KIAA0319L: variants seen among roughly 807,000 people sequenced by gnomAD.
The protein encoded by KIAA0319L is dyslexia-associated protein KIAA0319-like protein.
KIAA0319L carries 55 observed loss-of-function variants against 120.1 expected under a neutral mutation model. That is an observed-to-expected ratio of 0.46 (90% CI 0.37 to 0.57). The LOEUF (loss-of-function observed/expected upper bound fraction) is 0.57, where lower values mean the gene tolerates loss of function less well. KIAA0319L is among the 20% of genes least tolerant of loss of function. KIAA0319L has a pLI of 0.00. For synonymous variants in KIAA0319L, 398 were observed against 471.9 expected (o/e 0.84, Z 2.03); for missense variants, 1,049 against 1,255.3 (o/e 0.84, Z 2.48).
intron 3 of KIAA0319L, among the ~76,000 whole-genome samples, chr1:35,486,712 A>C (rs1644399022): frequency 6.8e-6 from 1 of 146,280 alleles, no homozygotes; most frequent in African/African-American, 2.6e-5. Context: ...ATCAGCCTGC[A>C]CAACATAGCG....
chr1:35,545,966 G>C (rs567076433), intron 2 of KIAA0319L, among the ~76,000 whole-genome samples: 34 of 152,208 alleles, frequency 2.2e-4, no homozygotes, highest in Non-Finnish European at 3.5e-4. Context: ...CATGGTTATA[G>C]GGAATAAAGG....
Position 35,456,041 on chromosome 1 carries a change from C to G in KIAA0319L, c.1628G>C (p.Ser543Thr). The change falls in exon 10 of 21, where the codon AGC becomes ACC. Residue 543 changes from serine to threonine, a missense_variant. Coordinates refer to ENST00000325722, the MANE Select transcript of KIAA0319L (RefSeq NM_024874.5). ...CATCTCCACCACTTTCCCTTTGCTG[C>G]TTGGGCTGAGTGACCACTCATAGCT... ...ITSYEWSLSP[S>T]SKGKVVEMQG... 6.2e-7 allele frequency: 1 copy of G among 1,613,786 alleles called. No individual in the cohort carries two copies. The highest frequency in any genetic ancestry group is 1.1e-5 in the South Asian group (1 of 91,038).
intron 2 of KIAA0319L, among the ~76,000 whole-genome samples, chr1:35,531,137 T>C (rs1010799976): frequency 2.0e-5 from 3 of 152,210 alleles, no homozygotes; most frequent in African/African-American, 7.2e-5. Context: ...AAGGAGATCC[T>C]GTCCTCATGG....
chr1:35,457,065 T>A (rs958149154), intron 9 of KIAA0319L, among the ~76,000 whole-genome samples: 11 of 152,168 alleles, frequency 7.2e-5, no homozygotes, highest in African/African-American at 2.7e-4. Flanking sequence ...CCTGCACGCA[T>A]CTGTGTCCTG....
At chr1:35,532,925 C>T (rs1646428810) in intron 2 of KIAA0319L, among the ~76,000 whole-genome samples, 1 of 152,152 alleles carries the variant, frequency 6.6e-6, no homozygotes, top group Non-Finnish European at 1.5e-5. Context: ...TATGTATTAC[C>T]TGGAGGATCC....
At chr1:35,539,714 TTC>T (rs1433254335) in intron 2 of KIAA0319L, among the ~76,000 whole-genome samples, 3 of 152,232 alleles carry the variant, frequency 2.0e-5, no homozygotes, top group African/African-American at 7.2e-5. Flanking sequence ...TTAAGATTCA[TTC>T]ACTGTAGCCA....
Position 35,479,201 on chromosome 1 carries a change from C to A in KIAA0319L, c.678G>T (p.Ala226=), listed in dbSNP as rs376237258. 2 of 1,613,174 alleles carry A rather than the reference C, an allele frequency of 1.2e-6. No homozygotes were observed. The highest frequency in any genetic ancestry group is 1.7e-6 in the Non-Finnish European group (2 of 1,179,302). Residue 226 remains alanine (A), a synonymous_variant, in exon 4 of 21, where the codon GCG becomes GCT. Transcript: ENST00000325722. ...TTSGSAEVHK[A]ITISSPLTTD... is the part of the protein sequence containing the mutation. ...TGGTTAGGGGACTGGAAATTGTAAT[C>A]GCCTTGTGGACCTAAAGAAATAAAA...
In KIAA0319L at chr1:35,460,382, A is replaced by G. The variant is rs753437123; in HGVS notation, c.1350T>C (p.Pro450=). Residue 450 remains proline (P), a synonymous_variant, in exon 9 of 21, where the codon CCT becomes CCC. Coordinates refer to ENST00000325722, the MANE Select transcript of KIAA0319L (RefSeq NM_024874.5). ...VQYHWEELKG[P]LREEKISEDT... is the part of the protein sequence containing the mutation. The stretch of plus-strand genomic sequence containing the variant: ...CTTCAGAAATCTTCTCTTCTCTTAG[A>G]GGCCCCTTAAGTTCTTCCCAATGGT... 5 of 1,611,820 alleles carry G rather than the reference A, an allele frequency of 3.1e-6. No homozygotes were observed. Among genetic ancestry groups the G allele is most frequent in the Non-Finnish European group, 8.5e-7 (1 of 1,178,050 alleles).
intron 18 of KIAA0319L, among the ~76,000 whole-genome samples, 188 bp from the exon 19 acceptor site, chr1:35,442,524 A>C (rs554791632): frequency 1.4e-3 from 219 of 152,292 alleles, no homozygotes; most frequent in Admixed American, 2.9e-3. Flanking sequence ...CCTGCTTTCC[A>C]GTCCCTGCTC....
At chr1:35,518,734 T>TGG (rs1239836403) in intron 2 of KIAA0319L, among the ~76,000 whole-genome samples, 1 of 152,156 alleles carries the variant, frequency 6.6e-6, no homozygotes, top group Non-Finnish European at 1.5e-5. Flanking sequence ...CCAGGCACAG[T>TGG]GGCTCACGCC....
At chr1:35,546,173 G>A (rs1646974219) in intron 2 of KIAA0319L, among the ~76,000 whole-genome samples, 1 of 152,082 alleles carries the variant, frequency 6.6e-6, no homozygotes, top group Non-Finnish European at 1.5e-5. Context: ...GAGACCACAA[G>A]TGGGACAAAA....
rs1051156556 is a variant in KIAA0319L, at chr1:35,433,504, C to A, written c.*1390G>T. ...AGCAGACAGAGTGCACAGTTAAATACCATGTTTAATCATCCCACAATGGAC... is the reference window on the plus strand; with the variant it reads ...AGCAGACAGAGTGCACAGTTAAATAACATGTTTAATCATCCCACAATGGAC... On this transcript the variant is annotated 3_prime_UTR_variant, in exon 21 of 21. Coordinates refer to ENST00000325722, the MANE Select transcript of KIAA0319L (RefSeq NM_024874.5). 2 of 152,218 alleles carry A rather than the reference C, an allele frequency of 1.3e-5. No homozygotes were observed. The allele number at this position is 152,218 out of a possible 1,614,324, so 9.4% of individuals were successfully genotyped here. A position where few individuals can be genotyped will look rare whatever the true frequency, so the allele number is the denominator to read the frequency against.
At chr1:35,516,239 C>G (rs965132053) in intron 2 of KIAA0319L, among the ~76,000 whole-genome samples, 16 of 152,114 alleles carry the variant, frequency 1.1e-4, no homozygotes, top group African/African-American at 3.9e-4. Context: ...TGGGCAAAGA[C>G]ACAACTAAGA....
At chr1:35,546,180 A>G (rs960615728) in intron 2 of KIAA0319L, among the ~76,000 whole-genome samples, 2 of 152,266 alleles carry the variant, frequency 1.3e-5, no homozygotes, top group South Asian at 4.1e-4. Flanking sequence ...CAAGTGGGAC[A>G]AAAAAGGGTG....
intron 2 of KIAA0319L, among the ~76,000 whole-genome samples, chr1:35,545,708 A>G (rs1385581047): frequency 1.3e-5 from 2 of 152,146 alleles, no homozygotes; most frequent in East Asian, 3.9e-4. Context: ...CAGCCTGGCC[A>G]ACATGGTGAA....
At chr1:35,498,433 G>A (rs1300425663) in intron 3 of KIAA0319L, among the ~76,000 whole-genome samples, 1 of 152,056 alleles carries the variant, frequency 6.6e-6, no homozygotes, top group Non-Finnish European at 1.5e-5. Flanking sequence ...TCTGGCACTG[G>A]ATAGAAATAA....
intron 2 of KIAA0319L, among the ~76,000 whole-genome samples, chr1:35,528,188 A>G (rs998659401): frequency 6.6e-6 from 1 of 152,360 alleles, no homozygotes; most frequent in East Asian, 1.9e-4. Flanking sequence ...CCTGGGCTCA[A>G]GAGATCCTCT....
At chr1:35,449,211 A>C (rs1432792285) in intron 15 of KIAA0319L, among the ~76,000 whole-genome samples, 1 of 152,218 alleles carries the variant, frequency 6.6e-6, no homozygotes, top group African/African-American at 2.4e-5. Context: ...CCTAGATAAT[A>C]AAGAGTAGGT....
At chr1:35,475,594 A>G (rs530932857) in intron 4 of KIAA0319L, among the ~76,000 whole-genome samples, 1 of 150,260 alleles carries the variant, frequency 6.7e-6, no homozygotes, top group East Asian at 2.0e-4. Flanking sequence ...TCCCACCTCA[A>G]CCTCCCAAGT....
Sources: gnomAD v4.1 joint callset for allele counts (sites outside exome capture counted in the v4.1 genomes callset) on GRCh38, gnomAD v4.1.1 for gene constraint, MANE v1.5 for transcripts, NCBI Gene and HGNC (gene_info 2026-07-23, HGNC 2026-07-21) for gene names.